The following LUZP2 variants were observed in gnomAD, a reference collection of about 807,000 sequenced individuals.
LUZP2 encodes the protein leucine zipper protein 2.
A neutral mutation model predicts 51.6 loss-of-function variants in LUZP2; 52 were observed. The observed-to-expected ratio is 1.01, with a 90% CI of 0.81 to 1.27. The LOEUF (loss-of-function observed/expected upper bound fraction) is 1.27, where lower values mean the gene tolerates loss of function less well. LUZP2 is among the 50% of genes most tolerant of loss of function. The pLI, the probability that LUZP2 is intolerant of heterozygous loss-of-function variation, is 0.00. For synonymous variants in LUZP2, 154 were observed against 137.3 expected, an observed-to-expected ratio of 1.12 and a Z score of -0.85; for missense variants, 436 against 395.4, an observed-to-expected ratio of 1.10 and a Z score of -0.87.
intron 9 of LUZP2, among the ~76,000 whole-genome samples, chr11:25,018,504 TCTC>T (rs983021823): frequency 3.9e-5 from 6 of 152,140 alleles, no homozygotes; most frequent in African/African-American, 1.4e-4. Flanking sequence ...AATCATTTAT[TCTC>T]CTCCATTCAT....
At chr11:24,952,688 T>C (rs1855111302) in intron 7 of LUZP2, among the ~76,000 whole-genome samples, 1 of 151,960 alleles carries the variant, frequency 6.6e-6, no homozygotes, top group African/African-American at 2.4e-5. Context: ...TATGTTTCTT[T>C]GACTTGGCAG....
At chr11:24,753,863 G>A (rs909779676) in intron 4 of LUZP2, among the ~76,000 whole-genome samples, 3 of 151,902 alleles carry the variant, frequency 2.0e-5, no homozygotes, top group Admixed American at 1.3e-4. Context: ...GCCACGGATG[G>A]GTTTCTCATT....
At chr11:24,963,541 G>C (rs1479251982) in intron 7 of LUZP2, among the ~76,000 whole-genome samples, 2 of 152,184 alleles carry the variant, frequency 1.3e-5, no homozygotes, top group African/African-American at 4.8e-5. Context: ...CAACCAGCGA[G>C]ACTCCGTGGG....
intron 1 of LUZP2, among the ~76,000 whole-genome samples, chr11:24,519,747 G>A (rs1324235588): frequency 6.6e-6 from 1 of 152,006 alleles, no homozygotes; most frequent in Admixed American, 6.6e-5. Flanking sequence ...GTAAATTATT[G>A]CCATGTCAAT....
At chr11:24,972,285 T>G (rs1177110629) in intron 7 of LUZP2, among the ~76,000 whole-genome samples, 1 of 152,088 alleles carries the variant, frequency 6.6e-6, no homozygotes, top group Non-Finnish European at 1.5e-5. Flanking sequence ...GATGAATTTA[T>G]GACAAGTAAT....
chr11:24,675,780 C>CTT (rs200633043), intron 1 of LUZP2, among the ~76,000 whole-genome samples: 5 of 144,516 alleles, frequency 3.5e-5, no homozygotes, highest in African/African-American at 1.3e-4. Context: ...TTTCATATTT[C>CTT]TTTTTTTTAT....
intron 1 of LUZP2, among the ~76,000 whole-genome samples, chr11:24,573,411 T>A (rs1477102829): frequency 6.6e-6 from 1 of 152,054 alleles, no homozygotes; most frequent in Non-Finnish European, 1.5e-5. Context: ...AAAATGTCAA[T>A]AATAATCAGG....
chr11:24,861,174 C>T (rs1489804301), intron 5 of LUZP2, among the ~76,000 whole-genome samples: 1 of 151,994 alleles, frequency 6.6e-6, no homozygotes, highest in Admixed American at 6.6e-5. Context: ...TATCAACAGA[C>T]AAATCAACCA....
intron 7 of LUZP2, among the ~76,000 whole-genome samples, chr11:24,926,275 GTA>G (rs200322015): frequency 0.041 from 1,889 of 46,112 alleles, 135 homozygotes; most frequent in African/African-American, 0.12. Flanking sequence ...ATATATACGT[GTA>G]TATATATATA....
intron 1 of LUZP2, among the ~76,000 whole-genome samples, chr11:24,497,747 C>A (rs1191175498): frequency 6.6e-6 from 1 of 152,166 alleles, no homozygotes; most frequent in African/African-American, 2.4e-5. Context: ...AAGAGGAAAC[C>A]AGAGAAAACA....
intron 9 of LUZP2, among the ~76,000 whole-genome samples, chr11:25,031,876 A>G (rs1457637332): frequency 6.6e-6 from 1 of 152,142 alleles, no homozygotes; most frequent in Admixed American, 6.6e-5. Context: ...AAATTTACAA[A>G]TATATGGTGG....
intron 1 of LUZP2, among the ~76,000 whole-genome samples, chr11:24,677,962 G>T (rs867755802): frequency 6.6e-6 from 1 of 151,702 alleles, no homozygotes; most frequent in Non-Finnish European, 1.5e-5. Flanking sequence ...GCGTGAACCT[G>T]GGAGGTGGAG....
intron 5 of LUZP2, among the ~76,000 whole-genome samples, chr11:24,847,599 C>T (rs1263951092): frequency 1.3e-5 from 2 of 152,140 alleles, no homozygotes; most frequent in Non-Finnish European, 2.9e-5. Context: ...ATGTGCCTAC[C>T]TTCTCCATTA....
chr11:25,014,634 T>C (rs1168356105), intron 9 of LUZP2, among the ~76,000 whole-genome samples: 1 of 152,218 alleles, frequency 6.6e-6, no homozygotes, highest in Non-Finnish European at 1.5e-5. Flanking sequence ...GAGTTCATTG[T>C]AGATTCTGGA....
At chr11:24,704,498 T>C (rs187557138) in intron 1 of LUZP2, among the ~76,000 whole-genome samples, 4 of 151,580 alleles carry the variant, frequency 2.6e-5, no homozygotes, top group Non-Finnish European at 4.4e-5. Context: ...TATTTTTGTG[T>C]GTATATGTGC....
rs183604064 is a variant in LUZP2, at chr11:24,675,877, G to A, written c.63-53292G>A. Among the ~76,000 whole-genome samples, 43 of 151,604 alleles carry A rather than the reference G, an allele frequency of 2.8e-4. 1 individual carries two copies. Among genetic ancestry groups the A allele is most frequent in the African/African-American group, 1.0e-3 (43 of 41,292 alleles). On this transcript the variant is annotated intron_variant, in intron 1 of 11. Coordinates refer to ENST00000336930, the MANE Select transcript of LUZP2 (RefSeq NM_001009909.4). ...TCTGTTGCCCAGGCTGGAGTACAGT[G>A]GTGCGATCTCGGCTCACTGCAACCT... is the stretch of plus-strand genomic sequence containing the variant.
intron 5 of LUZP2, among the ~76,000 whole-genome samples, chr11:24,879,620 G>T (rs1467617067): frequency 6.6e-6 from 1 of 152,096 alleles, no homozygotes; most frequent in South Asian, 2.1e-4. Flanking sequence ...TCTGACTGGC[G>T]TGAGATGGTA....
intron 5 of LUZP2, among the ~76,000 whole-genome samples, chr11:24,857,640 T>C (rs1390732595): frequency 6.6e-6 from 1 of 151,798 alleles, no homozygotes; most frequent in Non-Finnish European, 1.5e-5. Context: ...GAGTAGTACC[T>C]GGTACAGTGT....
intron 5 of LUZP2, among the ~76,000 whole-genome samples, chr11:24,814,453 T>C (rs1850112855): frequency 6.6e-6 from 1 of 152,224 alleles, no homozygotes; most frequent in East Asian, 1.9e-4. Context: ...GAGGGCTTTA[T>C]GAAAGAGTCT....
Sources: allele counts gnomAD v4.1 joint callset (sites outside exome capture counted in the v4.1 genomes callset), GRCh38; gene constraint gnomAD v4.1.1; transcripts MANE v1.5; gene names NCBI Gene and HGNC (gene_info 2026-07-23, HGNC 2026-07-21).